MAP2K5: variants seen among roughly 807,000 people sequenced by gnomAD.
The protein encoded by MAP2K5 is dual specificity mitogen-activated protein kinase kinase 5.
Under a neutral mutation model 83.1 loss-of-function variants are expected in MAP2K5, and 49 were observed. The observed-to-expected ratio is 0.59, with a 90% CI of 0.47 to 0.75. The LOEUF (loss-of-function observed/expected upper bound fraction) is 0.75, where lower values mean the gene tolerates loss of function less well. MAP2K5 is among the 30% of genes least tolerant of loss of function. The pLI, the probability that MAP2K5 is intolerant of heterozygous loss-of-function variation, is 0.00. For missense variants in MAP2K5, 457 were observed against 557.5 expected (o/e 0.82, Z 1.82); for synonymous variants, 202 against 191.8 (o/e 1.05, Z -0.44).
At chr15:67,553,958 A>C (rs2084569977) in intron 2 of MAP2K5, among the ~76,000 whole-genome samples, 1 of 150,784 alleles carries the variant, frequency 6.6e-6, no homozygotes, top group Non-Finnish European at 1.5e-5. Flanking sequence ...AGTTGAGAAG[A>C]TATAGCTTAT....
intron 4 of MAP2K5, 36 bp from the exon 5 acceptor site, chr15:67,585,853 CT>C: frequency 6.3e-7 from 1 of 1,593,362 alleles, no homozygotes; most frequent in African/African-American, 1.3e-5. Context: ...GTAAATGGCC[CT>C]GATGTGTTCT....
intron 19 of MAP2K5, among the ~76,000 whole-genome samples, chr15:67,756,732 G>A (rs1335293867): frequency 6.6e-6 from 1 of 151,836 alleles, no homozygotes; most frequent in African/African-American, 2.4e-5. Context: ...CTTCTACTTT[G>A]CTACTATGAG....
intron 8 of MAP2K5, among the ~76,000 whole-genome samples, chr15:67,604,040 T>C (rs987879220): frequency 5.2e-5 from 8 of 152,404 alleles, no homozygotes; most frequent in African/African-American, 1.9e-4. Context: ...TATAATCGTG[T>C]AATTACAATG....
chr15:67,572,383 T>C lies in MAP2K5; in HGVS notation c.253-8371T>C, dbSNP rs980642003. Among the ~76,000 whole-genome samples the C allele has an allele frequency of 1.3e-5, 2 of 152,168 alleles. No individual in the cohort carries two copies. Among genetic ancestry groups the C allele is most frequent in the African/African-American group, 4.8e-5 (2 of 41,422 alleles). ...TAGCAACTCTGTTAGTCTGTTTTCATACTGTTATCGGAAAGGGGTCCCAAT... is the reference window on the plus strand; with the variant it reads ...TAGCAACTCTGTTAGTCTGTTTTCACACTGTTATCGGAAAGGGGTCCCAAT... On this transcript the variant is annotated intron_variant, in intron 3 of 21. Transcript: ENST00000178640. This position sits in a 1 kb window ranked among gnomAD's most constrained non-coding sequence, Gnocchi z 4.2.
At chr15:67,745,347 A>G (rs1345578901) in intron 17 of MAP2K5, among the ~76,000 whole-genome samples, 6 of 152,254 alleles carry the variant, frequency 3.9e-5, no homozygotes. Flanking sequence ...GAATAAAGAT[A>G]GGCATTCACA....
chr15:67,753,659 A>G (rs1207072847), intron 19 of MAP2K5, among the ~76,000 whole-genome samples: 4 of 152,042 alleles, frequency 2.6e-5, no homozygotes, highest in Admixed American at 2.6e-4. Context: ...GCCCACTAGG[A>G]TGGCTGTAAT....
In MAP2K5 at chr15:67,755,545, C is replaced by G. The variant is rs1416782126; in HGVS notation, c.1134+6944C>G. Among the ~76,000 whole-genome samples the G allele has an allele frequency of 6.6e-6, 1 of 152,206 alleles. No homozygotes were observed. Among genetic ancestry groups the G allele is most frequent in the South Asian group, 2.1e-4 (1 of 4,820 alleles). On this transcript the variant is annotated intron_variant, in intron 19 of 21. Transcript: ENST00000178640. The surrounding 1 kb of genome is among the most constrained non-coding windows in gnomAD (Gnocchi z 4.7). ...CCACTGGTCATCTTCACTAGCATTT[C>G]TAGAAAGCATCAGGGGAGCCATGTC... is the stretch of plus-strand genomic sequence containing the variant.
intron 11 of MAP2K5, among the ~76,000 whole-genome samples, chr15:67,648,499 C>T (rs1162736862): frequency 6.6e-6 from 1 of 151,436 alleles, no homozygotes; most frequent in Non-Finnish European, 1.5e-5. Context: ...TGGGATAGTT[C>T]TACTTTATGC....
rs2089036882 is a variant in MAP2K5 at position 67,724,239 on chromosome 15, T to TTAA, written c.1045-3674_1045-3672dup. ...TAAAAACTAGGGAAATGCAAGTAGA[T>TTAA]TAATAGACCAGTAGGGGTAAAAGAT... On this transcript the variant is annotated intron_variant, in intron 16 of 21. Coordinates refer to ENST00000178640, the MANE Select transcript of MAP2K5 (RefSeq NM_145160.3). The surrounding 1 kb of genome is among the most constrained non-coding windows in gnomAD (Gnocchi z 4.4). Among the ~76,000 whole-genome samples, 1 of 152,176 alleles carries TTAA rather than the reference T, an allele frequency of 6.6e-6. No homozygotes were observed. The highest frequency in any genetic ancestry group is 1.5e-5 in the Non-Finnish European group (1 of 68,022).
intron 1 of MAP2K5, among the ~76,000 whole-genome samples, chr15:67,548,168 G>A (rs2583592): frequency 9.8e-5 from 15 of 152,338 alleles, no homozygotes; most frequent in African/African-American, 3.6e-4. Flanking sequence ...TCCTAAGTAG[G>A]AAGGAGCCTA....
chr15:67,558,240 CTA>C (rs777202546), intron 2 of MAP2K5, among the ~76,000 whole-genome samples: 9 of 152,110 alleles, frequency 5.9e-5, no homozygotes, highest in Admixed American at 1.3e-4. Flanking sequence ...AATAGGCACT[CTA>C]TGTGTGTTTC....
rs1246945629 is a variant in MAP2K5, at chr15:67,543,054, TC to T, written c.-280del. The T allele has an allele frequency of 2.2e-5, 11 of 489,138 alleles. No individual in the cohort carries two copies. Among genetic ancestry groups the T allele is most frequent in the Non-Finnish European group, 3.7e-5 (10 of 267,746 alleles). The allele number at this position is 489,138 out of a possible 1,614,324, so 30.3% of individuals were successfully genotyped here. On this transcript the variant is annotated 5_prime_UTR_variant, in exon 1 of 22. Transcript: ENST00000178640. This position sits in a 1 kb window ranked among gnomAD's most constrained non-coding sequence, Gnocchi z 4.3. ...ACCTTCACCATAGCGTTCGCTCAACTCCAGAACCTTCCGACCTCCGCTAGTT... is the reference window on the plus strand; with the variant it reads ...ACCTTCACCATAGCGTTCGCTCAACTCAGAACCTTCCGACCTCCGCTAGTT...
intron 11 of MAP2K5, among the ~76,000 whole-genome samples, chr15:67,655,149 TAA>T (rs2087039687): frequency 6.6e-6 from 1 of 152,226 alleles, no homozygotes; most frequent in African/African-American, 2.4e-5. Context: ...TATTGTCATA[TAA>T]GTTACATTCC....
At chr15:67,727,592 T>TGTGA (rs1346170363) in intron 16 of MAP2K5, among the ~76,000 whole-genome samples, 33 of 152,352 alleles carry the variant, frequency 2.2e-4, no homozygotes, top group African/African-American at 6.7e-4. Context: ...TTTTTACATC[T>TGTGA]CTGTCTAGAA....
intron 8 of MAP2K5, chr15:67,628,680 A>G: frequency 1.1e-6 from 1 of 897,540 alleles, no homozygotes; most frequent in Non-Finnish European, 1.8e-6. Flanking sequence ...CATACTGTGA[A>G]TGGCCACAAC....
intron 20 of MAP2K5, among the ~76,000 whole-genome samples, chr15:67,771,473 T>A (rs1315804468): frequency 6.6e-6 from 1 of 152,206 alleles, no homozygotes; most frequent in Non-Finnish European, 1.5e-5. Flanking sequence ...TTAAAAGTTT[T>A]ATGGAGACAG....
chr15:67,611,919 A>C (rs1014795021), intron 8 of MAP2K5, among the ~76,000 whole-genome samples: 2 of 152,168 alleles, frequency 1.3e-5, no homozygotes, highest in Non-Finnish European at 2.9e-5. Flanking sequence ...GTAGATGACC[A>C]ATATGAACAA....
chr15:67,699,330 T>G (rs1252752440), intron 15 of MAP2K5, among the ~76,000 whole-genome samples: 1 of 152,048 alleles, frequency 6.6e-6, no homozygotes, highest in Non-Finnish European at 1.5e-5. Flanking sequence ...CCCACCTAAG[T>G]CAGAAGGTCT....
chr15:67,692,936 C>A (rs1193165289), intron 14 of MAP2K5, among the ~76,000 whole-genome samples: 1 of 152,188 alleles, frequency 6.6e-6, no homozygotes, highest in Non-Finnish European at 1.5e-5. Flanking sequence ...AGGGCCATTA[C>A]AATGTGCAGC....
Sources: allele counts gnomAD v4.1 joint callset (sites outside exome capture counted in the v4.1 genomes callset), GRCh38; gene constraint gnomAD v4.1.1; non-coding constraint Gnocchi (gnomAD v3.1); transcripts MANE v1.5; gene names NCBI Gene and HGNC (gene_info 2026-07-23, HGNC 2026-07-21).